The following ORC4 variants were observed in gnomAD, a reference collection of about 807,000 sequenced individuals.
ORC4 encodes the protein origin recognition complex subunit 4.
In ORC4, 55 loss-of-function variants were observed where a neutral mutation model predicts 63.9. The ratio of observed to expected loss-of-function variants is 0.86; its 90% CI spans 0.69 to 1.08. The LOEUF (loss-of-function observed/expected upper bound fraction) is 1.08. ORC4 is among the 50% of genes least tolerant of loss of function. The pLI is 0.00. For missense variants in ORC4, 511 were observed against 504.4 expected, an observed-to-expected ratio of 1.01 and a Z score of -0.13; for synonymous variants, 150 against 168.5, an observed-to-expected ratio of 0.89 and a Z score of 0.85.
In ORC4 at chr2:147,931,782, A is replaced by AATT. The variant is rs1558821473; in HGVS notation, c.*3725_*3727dup. 6.6e-6 allele frequency: 1 copy of AATT among 151,984 alleles called. No individual in the cohort carries two copies. The highest frequency in any genetic ancestry group is 2.4e-5 in the African/African-American group (1 of 41,372). The allele number at this position is 151,984 out of a possible 1,614,324, so 9.4% of individuals were successfully genotyped here. ...CCCTTCATGCTAAAAACTCTCAATAAATTAGGGATTGATGGGGTGTATTTC... is the reference window on the plus strand; with the variant it reads ...CCCTTCATGCTAAAAACTCTCAATAAATTATTAGGGATTGATGGGGTGTATTTC... On this transcript the variant is annotated 3_prime_UTR_variant, in exon 14 of 14. Transcript: ENST00000392857.
intron 1 of ORC4, among the ~76,000 whole-genome samples, chr2:148,016,035 C>T (rs1293860694): frequency 2.0e-5 from 3 of 152,170 alleles, no homozygotes; most frequent in African/African-American, 7.2e-5. Context: ...AACTCAACGT[C>T]AACCATTCCA....
chr2:148,008,618 A>G (rs1307153551), intron 1 of ORC4, among the ~76,000 whole-genome samples: 3 of 152,070 alleles, frequency 2.0e-5, no homozygotes, highest in African/African-American at 7.2e-5. Context: ...GCTCCACCCT[A>G]ACTCATTCCA....
intron 1 of ORC4, among the ~76,000 whole-genome samples, chr2:147,991,721 G>A (rs1020786977): frequency 2.0e-5 from 3 of 152,002 alleles, no homozygotes; most frequent in Non-Finnish European, 4.4e-5. Context: ...CCAGATACTC[G>A]GGAAGCTGAG....
chr2:147,965,808 C>G (rs1169720477), intron 4 of ORC4, among the ~76,000 whole-genome samples: 1 of 152,142 alleles, frequency 6.6e-6, no homozygotes, highest in African/African-American at 2.4e-5. Flanking sequence ...CAAGACTGAC[C>G]TCATGTTAGG....
intron 1 of ORC4, among the ~76,000 whole-genome samples, chr2:148,008,489 T>C (rs1692755627): frequency 6.6e-6 from 1 of 152,198 alleles, no homozygotes; most frequent in Non-Finnish European, 1.5e-5. Flanking sequence ...TGTGTCAGTA[T>C]GTTCAATTCT....
In ORC4 at chr2:147,973,381, A is replaced by AG. The variant is rs1374284441; in HGVS notation, c.134+66_134+67insC. 8 of 934,718 alleles carry AG rather than the reference A, an allele frequency of 8.6e-6. No homozygotes were observed. The Admixed American group carries it at 1.2e-4, about 14-fold the overall frequency. 57.9% of individuals were successfully genotyped at this position (934,718 alleles called of 1,614,324 possible). On this transcript the variant is annotated intron_variant, in intron 3 of 13. Coordinates refer to ENST00000392857, the MANE Select transcript of ORC4 (RefSeq NM_181741.4). ...TATTTAATATCAAATTTGTACAATAATTTTTGCAAAACCTGGAAGGCATCT... is the reference window on the plus strand; with the variant it reads ...TATTTAATATCAAATTTGTACAATAAGTTTTTGCAAAACCTGGAAGGCATCT...
At chr2:147,990,149 C>T (rs1205646465) in intron 1 of ORC4, among the ~76,000 whole-genome samples, 3 of 152,198 alleles carry the variant, frequency 2.0e-5, no homozygotes, top group South Asian at 2.1e-4. Flanking sequence ...TAACTTCACA[C>T]GGCTGACATT....
At chr2:147,958,767 A>C in intron 5 of ORC4, 24 bp downstream of exon 5, 4 of 1,172,294 alleles carry the variant, frequency 3.4e-6, no homozygotes, top group Non-Finnish European at 5.1e-6. Context: ...ATAATCTCCA[A>C]TGGCAAAATA....
chr2:147,964,441 A>G (rs1391525741), intron 4 of ORC4, among the ~76,000 whole-genome samples: 2 of 152,154 alleles, frequency 1.3e-5, no homozygotes, highest in Non-Finnish European at 2.9e-5. Context: ...TACAGGATTT[A>G]TAAGACTTCA....
intron 8 of ORC4, among the ~76,000 whole-genome samples, chr2:147,950,262 G>T (rs73964127): frequency 0.011 from 1,702 of 152,222 alleles, 39 homozygotes; most frequent in African/African-American, 0.037. Flanking sequence ...CCTAAATTTG[G>T]GAATGAAAAG....
At chr2:147,962,298 TG>T (rs1689642436) in intron 4 of ORC4, among the ~76,000 whole-genome samples, 3 of 152,114 alleles carry the variant, frequency 2.0e-5, no homozygotes, top group African/African-American at 7.2e-5. Context: ...GGACAGCTGC[TG>T]GGAATTCAAG....
chr2:148,017,921 CTTG>C (rs1693409815), intron 1 of ORC4, among the ~76,000 whole-genome samples: 1 of 152,146 alleles, frequency 6.6e-6, no homozygotes, highest in Non-Finnish European at 1.5e-5. Context: ...AAGCATAGAA[CTTG>C]TTATCTGGAG....
intron 10 of ORC4, among the ~76,000 whole-genome samples, chr2:147,939,573 C>G (rs1160628293): frequency 6.6e-6 from 1 of 152,096 alleles, no homozygotes; most frequent in Non-Finnish European, 1.5e-5. Context: ...AGAATACTTA[C>G]TAATAAAAGC....
chr2:147,932,991 G>A lies in ORC4; in HGVS notation c.*2519C>T, dbSNP rs1200363402. 6.6e-6 allele frequency: 1 copy of A among 152,062 alleles called. No homozygotes were observed. Among genetic ancestry groups the A allele is most frequent in the Non-Finnish European group, 1.5e-5 (1 of 67,994 alleles). 9.4% of individuals were successfully genotyped at this position (152,062 alleles called of 1,614,324 possible). ...TGATACAGTAAGTTTGGACCAAACA[G>A]GTATTCATTCCCCAGAGCCTTTCAC... is the stretch of plus-strand genomic sequence containing the variant. On this transcript the variant is annotated 3_prime_UTR_variant, in exon 14 of 14. Coordinates refer to ENST00000392857, the MANE Select transcript of ORC4 (RefSeq NM_181741.4).
At chr2:147,972,901 A>G in intron 3 of ORC4, 72 bp from the exon 4 acceptor site, 1 of 1,041,454 alleles carries the variant, frequency 9.6e-7, no homozygotes, top group Non-Finnish European at 1.5e-6. Context: ...AGTTTTTAAA[A>G]GGCATATTTG....
intron 1 of ORC4, among the ~76,000 whole-genome samples, chr2:148,004,728 A>C (rs1317932410): frequency 2.6e-5 from 4 of 152,208 alleles, no homozygotes; most frequent in Admixed American, 2.6e-4. Context: ...AAAACACCAA[A>C]AGCAATGGCA....
intron 1 of ORC4, among the ~76,000 whole-genome samples, chr2:147,994,820 T>C (rs2105412823): frequency 6.6e-6 from 1 of 152,174 alleles, no homozygotes; most frequent in African/African-American, 2.4e-5. Context: ...AGGTCAGGAG[T>C]TCGAAACCAG....
intron 1 of ORC4, among the ~76,000 whole-genome samples, chr2:148,020,017 A>G (rs1414427548): frequency 2.6e-5 from 4 of 152,182 alleles, no homozygotes; most frequent in Non-Finnish European, 5.9e-5. Context: ...TCCTTCATCA[A>G]TCGTAGAACT....
chr2:147,984,705 T>C (rs1003885177), intron 1 of ORC4, among the ~76,000 whole-genome samples: 36 of 152,220 alleles, frequency 2.4e-4, no homozygotes, highest in Non-Finnish European at 4.0e-4. Context: ...AAATGTGTCA[T>C]CTAAAGCTGT....
Sources: gnomAD v4.1 joint callset for allele counts (sites outside exome capture counted in the v4.1 genomes callset) on GRCh38, gnomAD v4.1.1 for gene constraint, MANE v1.5 for transcripts, NCBI Gene and HGNC (gene_info 2026-07-23, HGNC 2026-07-21) for gene names.